SP140L: variants seen among roughly 807,000 people sequenced by gnomAD.
The protein encoded by SP140L is nuclear body protein SP140-like protein.
A neutral mutation model predicts 84.3 loss-of-function variants in SP140L; 64 were observed. That is an observed-to-expected ratio of 0.76 (90% CI 0.62 to 0.94). SP140L has a LOEUF of 0.94. Ranked by LOEUF, SP140L falls within the 40% of genes least tolerant of loss-of-function variation. The pLI, the probability that SP140L is intolerant of heterozygous loss-of-function variation, is 0.00. For missense variants in SP140L, 628 were observed against 692.5 expected (o/e 0.91, Z 1.05); for synonymous variants, 242 against 236.9 (o/e 1.02, Z -0.20).
chr2:230,381,770 C>T (rs937823434), intron 7 of SP140L, among the ~76,000 whole-genome samples: 4 of 150,706 alleles, frequency 2.7e-5, no homozygotes, highest in African/African-American at 4.9e-5. Flanking sequence ...ATTTCATAAA[C>T]CGTGAATGCT....
intron 3 of SP140L, 150 bp from the exon 4 acceptor site, chr2:230,358,814 G>T (rs879003659): frequency 6.7e-6 from 4 of 597,796 alleles, no homozygotes; most frequent in African/African-American, 3.9e-5. Flanking sequence ...TTCATTACTG[G>T]CTATACAAAT....
At chr2:230,382,821 A>G (rs996273973) in intron 7 of SP140L, among the ~76,000 whole-genome samples, 4 of 152,176 alleles carry the variant, frequency 2.6e-5, no homozygotes, top group Admixed American at 6.5e-5. Context: ...CTGCCCTCCC[A>G]TAGTGTGCAG....
chr2:230,388,634 G>A lies in SP140L; in HGVS notation c.859+1G>A. The A allele has an allele frequency of 6.2e-7, 1 of 1,603,386 alleles. No homozygotes were observed. Among genetic ancestry groups the A allele is most frequent in the Non-Finnish European group, 8.5e-7 (1 of 1,175,676 alleles). On this transcript the variant is annotated splice_donor_variant, in intron 10 of 18. Coordinates refer to ENST00000415673, the MANE Select transcript of SP140L (RefSeq NM_138402.6). LOFTEE classifies it high-confidence loss of function. ...CCACAGAAAAGAGTCCGATCAAGAG[G>A]TAAAAAAGAAAAGAGGAATGCACTT... is the stretch of plus-strand genomic sequence containing the variant.
At chr2:230,349,801 G>T (rs2060311265) in intron 2 of SP140L, among the ~76,000 whole-genome samples, 2 of 152,086 alleles carry the variant, frequency 1.3e-5, no homozygotes. Context: ...TCGAGGTCAG[G>T]AGTTTGAGAT....
At chr2:230,333,242 T>A (rs1437914027) in intron 2 of SP140L, among the ~76,000 whole-genome samples, 2 of 151,508 alleles carry the variant, frequency 1.3e-5, no homozygotes, top group African/African-American at 4.9e-5. Flanking sequence ...CACTGCAACC[T>A]CCACCTCCCA....
At chr2:230,345,650 T>C (rs1174279118) in intron 2 of SP140L, among the ~76,000 whole-genome samples, 1 of 151,930 alleles carries the variant, frequency 6.6e-6, no homozygotes, top group South Asian at 2.1e-4. Context: ...TAAAGTGATA[T>C]GCTTTGACTC....
At chr2:230,342,601 G>GT (rs1173103581) in intron 2 of SP140L, among the ~76,000 whole-genome samples, 1 of 151,976 alleles carries the variant, frequency 6.6e-6, no homozygotes, top group Non-Finnish European at 1.5e-5. Context: ...CAGATTATCT[G>GT]TTTTTTCATG....
intron 2 of SP140L, among the ~76,000 whole-genome samples, chr2:230,345,555 A>G (rs1367000506): frequency 6.7e-6 from 1 of 149,122 alleles, no homozygotes; most frequent in African/African-American, 2.5e-5. Context: ...GCTGTTTTGT[A>G]ATTTGTATTC....
intron 2 of SP140L, among the ~76,000 whole-genome samples, chr2:230,339,475 T>C (rs1469413953): frequency 6.6e-6 from 1 of 151,580 alleles, no homozygotes; most frequent in Admixed American, 6.6e-5. Context: ...TTTTGAAGGG[T>C]TTTTTGTGTC....
chr2:230,331,368 G>A (rs2059720981), intron 2 of SP140L, among the ~76,000 whole-genome samples: 1 of 152,170 alleles, frequency 6.6e-6, no homozygotes, highest in South Asian at 2.1e-4. Flanking sequence ...ATCCGCTGGG[G>A]ATCTTGGAAG....
chr2:230,402,705 T>TAAAG, intron 18 of SP140L, 93 bp from the exon 19 acceptor site: 3 of 980,042 alleles, frequency 3.1e-6, no homozygotes, highest in Non-Finnish European at 4.6e-6. Flanking sequence ...TTTTATTTTT[T>TAAAG]AAAGACAAGA....
At chr2:230,339,357 T>TTTTATTGC (rs1408645186) in intron 2 of SP140L, among the ~76,000 whole-genome samples, 1 of 151,812 alleles carries the variant, frequency 6.6e-6, no homozygotes, top group East Asian at 1.9e-4. Flanking sequence ...CTTTATCATT[T>TTTTATTGC]TTTATTGCGT....
chr2:230,396,316 A>C (rs1052157536), intron 13 of SP140L, among the ~76,000 whole-genome samples: 14 of 152,218 alleles, frequency 9.2e-5, no homozygotes, highest in African/African-American at 3.1e-4. Flanking sequence ...AGACTGTTTA[A>C]AAAAATAAAA....
At chr2:230,379,089 AT>A (rs2061331523) in intron 7 of SP140L, among the ~76,000 whole-genome samples, 1 of 151,504 alleles carries the variant, frequency 6.6e-6, no homozygotes, top group South Asian at 2.1e-4. Context: ...TTTTTTTCAT[AT>A]TTTTCACTCA....
intron 5 of SP140L, among the ~76,000 whole-genome samples, chr2:230,361,911 G>T (rs1278558472): frequency 6.6e-6 from 1 of 152,180 alleles, no homozygotes; most frequent in African/African-American, 2.4e-5. Flanking sequence ...CAATAACCAT[G>T]AAGGAACCAG....
At chr2:230,372,091 T>C (rs894453676) in intron 7 of SP140L, 3 of 172,720 alleles carry the variant, frequency 1.7e-5, no homozygotes, top group African/African-American at 7.2e-5. Flanking sequence ...GTTTGTCCTT[T>C]CCAGCCCCCA....
chr2:230,358,799 C>A (rs2060627077), intron 3 of SP140L, among the ~76,000 whole-genome samples, 165 bp from the exon 4 acceptor site: 1 of 152,214 alleles, frequency 6.6e-6, no homozygotes, highest in South Asian at 2.1e-4. Flanking sequence ...ATGGGATTTA[C>A]TTCTTTCATT....
intron 2 of SP140L, among the ~76,000 whole-genome samples, chr2:230,330,569 A>G (rs987304141): frequency 5.9e-5 from 9 of 152,230 alleles, no homozygotes; most frequent in Non-Finnish European, 1.3e-4. Context: ...ACATATTTAC[A>G]ATATTATGCC....
At chr2:230,393,353 T>C in intron 12 of SP140L, 61 bp from the exon 13 acceptor site, 2 of 1,523,240 alleles carry the variant, frequency 1.3e-6, no homozygotes, top group Non-Finnish European at 1.8e-6. Context: ...AGGTTGGAAA[T>C]GCCAGACTCA....
Sources: gnomAD v4.1 joint callset for allele counts (sites outside exome capture counted in the v4.1 genomes callset) on GRCh38, gnomAD v4.1.1 for gene constraint, MANE v1.5 for transcripts, NCBI Gene and HGNC (gene_info 2026-07-23, HGNC 2026-07-21) for gene names.